GRHL2: variants seen among roughly 807,000 people sequenced by gnomAD.
The protein encoded by GRHL2 is grainyhead-like protein 2 homolog.
Under a neutral mutation model 83.8 loss-of-function variants are expected in GRHL2, and 21 were observed. The observed-to-expected ratio is 0.25, with a 90% confidence interval of 0.18 to 0.36. GRHL2 has a LOEUF of 0.36. GRHL2 is among the 10% of genes least tolerant of loss of function. The pLI is 1.00. For synonymous variants in GRHL2, 280 were observed against 278.9 expected (o/e 1.00, Z -0.04); for missense variants, 623 against 781.8 (o/e 0.80, Z 2.42).
the GRHL2 span, among the ~76,000 whole-genome samples, chr8:101,680,119 A>G: frequency 3.1e-4 from 37 of 118,180 alleles, no homozygotes; most frequent in Non-Finnish European, 4.9e-4. Context: ...CAATTAAAAG[A>G]CACAGACTGG....
At chr8:101,637,992 T>C (rs1375991370) in intron 12 of GRHL2, among the ~76,000 whole-genome samples, 1 of 152,236 alleles carries the variant, frequency 6.6e-6, no homozygotes, top group Non-Finnish European at 1.5e-5. Flanking sequence ...AGAATAAATA[T>C]ATGTTCTGAA....
chr8:101,676,932 A>G, the GRHL2 span, among the ~76,000 whole-genome samples: 1 of 152,058 alleles, frequency 6.6e-6, no homozygotes, highest in East Asian at 1.9e-4. Flanking sequence ...GAAACTGGAA[A>G]CCATCATTCT....
chr8:101,576,138 T>C (rs1811928981), intron 6 of GRHL2, among the ~76,000 whole-genome samples: 1 of 152,208 alleles, frequency 6.6e-6, no homozygotes, highest in Non-Finnish European at 1.5e-5. Flanking sequence ...GGGAAGACAT[T>C]GCCATTGGCT....
At chr8:101,616,788 T>C (rs1165747293) in intron 8 of GRHL2, among the ~76,000 whole-genome samples, 2 of 152,192 alleles carry the variant, frequency 1.3e-5, no homozygotes, top group Non-Finnish European at 2.9e-5. Context: ...TGAGTTTCTT[T>C]TCTATCCCCT....
Position 101,599,180 on chromosome 8 carries a change from C to G in GRHL2, c.1098+29C>G, listed in dbSNP as rs749921394. 14 of 1,373,768 alleles carry G rather than the reference C, an allele frequency of 1.0e-5. 1 individual carries two copies. The African/African-American group carries it at 1.6e-4, about 15-fold the overall frequency. 85.1% of individuals were successfully genotyped at this position (1,373,768 alleles called of 1,614,324 possible). On this transcript the variant is annotated intron_variant, in intron 8 of 15. Coordinates refer to ENST00000646743, the MANE Select transcript of GRHL2 (RefSeq NM_024915.4). ...AGTGACATTGATTCATTGTTTATAC[C>G]TCTTAATATGTGCCCATCCTCAGCA...
chr8:101,629,415 A>G (rs1359919445), intron 9 of GRHL2, among the ~76,000 whole-genome samples: 1 of 151,992 alleles, frequency 6.6e-6, no homozygotes. Flanking sequence ...CTCTCTATGC[A>G]CTGGGGAACA....
At chr8:101,648,260 G>A (rs533434495) in intron 13 of GRHL2, among the ~76,000 whole-genome samples, 3 of 152,296 alleles carry the variant, frequency 2.0e-5, no homozygotes, top group African/African-American at 4.8e-5. Context: ...ACGTCTGTGG[G>A]ACCCTGGGGG....
intron 8 of GRHL2, among the ~76,000 whole-genome samples, chr8:101,609,020 G>C (rs574637302): frequency 6.6e-6 from 1 of 150,686 alleles, no homozygotes; most frequent in East Asian, 1.9e-4. Context: ...CAGGAGAGAA[G>C]TTAGTGTTAA....
rs925778167 is a variant in GRHL2, at chr8:101,631,836, A to G, written c.1345+112A>G. On this transcript the variant is annotated intron_variant, in intron 10 of 15. Transcript: ENST00000646743. ...AGGTAAAACTGCATACATGCAAGGC[A>G]TGGTTTGCTTTCCCCTGGCAGTGGA... The G allele has an allele frequency of 8.0e-6, 7 of 870,600 alleles. No homozygotes were observed. In the African/African-American group the frequency reaches 9.9e-5, roughly 12 times the overall value. 53.9% of individuals were successfully genotyped at this position (870,600 alleles called of 1,614,324 possible).
At chr8:101,636,412 C>T (rs1813286678) in intron 11 of GRHL2, among the ~76,000 whole-genome samples, 1 of 152,134 alleles carries the variant, frequency 6.6e-6, no homozygotes, top group Admixed American at 6.5e-5. Context: ...GGCCTAGTTA[C>T]TGTCACACTG....
At chr8:101,541,875 T>C (rs1305517661) in intron 1 of GRHL2, among the ~76,000 whole-genome samples, 3 of 152,320 alleles carry the variant, frequency 2.0e-5, no homozygotes, top group Admixed American at 6.5e-5. Context: ...ATTGATTGAC[T>C]CCCACCCATT....
At chr8:101,630,702 T>A (rs1311582437) in intron 9 of GRHL2, among the ~76,000 whole-genome samples, 3 of 152,180 alleles carry the variant, frequency 2.0e-5, no homozygotes, top group Non-Finnish European at 4.4e-5. Flanking sequence ...GAGATGTTGA[T>A]CAGAGTGTCA....
intron 5 of GRHL2, among the ~76,000 whole-genome samples, 183 bp from the exon 6 acceptor site, chr8:101,573,485 T>A (rs1163848146): frequency 6.6e-6 from 1 of 152,226 alleles, no homozygotes; most frequent in Non-Finnish European, 1.5e-5. Flanking sequence ...TTAGAAATGT[T>A]GTATACATTG....
intron 7 of GRHL2, among the ~76,000 whole-genome samples, chr8:101,588,567 G>T (rs1812214571): frequency 6.6e-6 from 1 of 152,170 alleles, no homozygotes; most frequent in South Asian, 2.1e-4. Flanking sequence ...TGTGATTTGG[G>T]CAGCCAGGGG....
rs920191983 is a variant in GRHL2, at chr8:101,600,963, C to A, written c.1098+1812C>A. On this transcript the variant is annotated intron_variant, in intron 8 of 15. Transcript: ENST00000646743. ...CTTGAGGCCAGAAGTTCAAAAGTAA[C>A]CTGGGTAAAGTAGGGAGACCCCATG... is the stretch of plus-strand genomic sequence containing the variant. 2.6e-5 allele frequency among the ~76,000 whole-genome samples: 4 copies of A among 152,126 alleles called. No individual in the cohort carries two copies. The East Asian group carries it at 7.7e-4, about 29-fold the overall frequency.
chr8:101,563,166 G>A (rs1021762497), intron 4 of GRHL2, among the ~76,000 whole-genome samples: 1 of 152,110 alleles, frequency 6.6e-6, no homozygotes, highest in Non-Finnish European at 1.5e-5. Context: ...TATGCTCATG[G>A]TTATTTAGCA....
chr8:101,599,183 T>C, intron 8 of GRHL2, 32 bp downstream of exon 8: 2 of 1,338,908 alleles, frequency 1.5e-6, no homozygotes, highest in Non-Finnish European at 2.2e-6. Context: ...TTTATACCTC[T>C]TAATATGTGC....
intron 7 of GRHL2, among the ~76,000 whole-genome samples, chr8:101,597,608 C>T (rs1205431821): frequency 6.8e-6 from 1 of 147,586 alleles, no homozygotes; most frequent in Non-Finnish European, 1.5e-5. Context: ...CATGTTCTCA[C>T]TCATAGGTGG....
At chr8:101,652,382 GTGGTGTGTGTGTGTGTC>G (rs1311615305) in intron 14 of GRHL2, among the ~76,000 whole-genome samples, 14 of 86,410 alleles carry the variant, frequency 1.6e-4, no homozygotes, top group African/African-American at 9.9e-4. Context: ...TGATGTGTGT[GTGGTGTGTGTGTGTGTC>G]TGGTGTGTGT....
Sources: allele counts gnomAD v4.1 joint callset (sites outside exome capture counted in the v4.1 genomes callset), GRCh38; gene constraint gnomAD v4.1.1; transcripts MANE v1.5; gene names NCBI Gene and HGNC (gene_info 2026-07-23, HGNC 2026-07-21).